USP34: variants seen among roughly 807,000 people sequenced by gnomAD.
USP34 encodes ubiquitin carboxyl-terminal hydrolase 34.
In USP34, 70 loss-of-function variants were observed where a neutral mutation model predicts 460.3. The ratio of observed to expected loss-of-function variants is 0.15; its 90% confidence interval spans 0.13 to 0.19. The LOEUF is 0.19. Ranked by LOEUF, USP34 falls within the 10% of genes least tolerant of loss-of-function variation. USP34 has a pLI of 1.00. For synonymous variants in USP34, 1,647 were observed against 1,405.3 expected (o/e 1.17, Z -3.85); for missense variants, 3,985 against 4,236.2 (o/e 0.94, Z 1.65).
At chr2:61,245,361 G>T in intron 50 of USP34, 73 bp from the exon 51 acceptor site, 2 of 858,000 alleles carry the variant, frequency 2.3e-6, no homozygotes, top group South Asian at 2.8e-5. Context: ...ACTATTTTTT[G>T]AATAACCAAT....
At chr2:61,397,018 T>G (rs186975987) in intron 3 of USP34, among the ~76,000 whole-genome samples, 5 of 152,200 alleles carry the variant, frequency 3.3e-5, no homozygotes, top group African/African-American at 1.2e-4. Flanking sequence ...GAAAGAAAAT[T>G]TATGATCATG....
At chr2:61,214,013 T>C (rs757596129) in intron 68 of USP34, 47 bp downstream of exon 68, 15 of 1,604,334 alleles carry the variant, frequency 9.3e-6, no homozygotes, top group Non-Finnish European at 1.3e-5. Flanking sequence ...AACAGGTATT[T>C]CCAATCTATT....
intron 2 of USP34, among the ~76,000 whole-genome samples, chr2:61,420,113 T>C (rs889579521): frequency 1.4e-4 from 21 of 152,340 alleles, no homozygotes; most frequent in African/African-American, 5.0e-4. Flanking sequence ...CATTGGCTAC[T>C]GCACACAATG....
chr2:61,231,071 A>C (rs7602859), intron 58 of USP34, among the ~76,000 whole-genome samples: 2 of 152,016 alleles, frequency 1.3e-5, no homozygotes, highest in African/African-American at 4.8e-5. Context: ...AAAAAAGAAA[A>C]TGTAATATGG....
rs1686618342 is a variant in USP34, at chr2:61,190,815, T to C, written c.9589-157A>G. ...AGCCATGTCTAACTCACCTATTGAATTTTTAGTTAACAGCAACTATTTTTC... is the reference window on the plus strand; with the variant it reads ...AGCCATGTCTAACTCACCTATTGAACTTTTAGTTAACAGCAACTATTTTTC... On this transcript the variant is annotated intron_variant, in intron 76 of 79. Transcript: ENST00000398571. The C allele has an allele frequency of 1.8e-5, 15 of 852,664 alleles. No individual in the cohort carries two copies. In the South Asian group the frequency reaches 3.3e-4, roughly 19 times the overall value. 52.8% of individuals were successfully genotyped at this position (852,664 alleles called of 1,614,324 possible).
chr2:61,305,032 T>A (rs1199172972), intron 27 of USP34, among the ~76,000 whole-genome samples: 2 of 152,052 alleles, frequency 1.3e-5, no homozygotes, highest in East Asian at 3.9e-4. Context: ...TTTTAAAAAT[T>A]TTACAGACGT....
intron 18 of USP34, among the ~76,000 whole-genome samples, chr2:61,338,742 A>G (rs1177652951): frequency 6.6e-6 from 1 of 152,200 alleles, no homozygotes; most frequent in African/African-American, 2.4e-5. Flanking sequence ...CCCAATGAGA[A>G]GTACATAAAT....
At position 61,288,995 on chromosome 2, in the gene USP34, T is replaced by C. The variant is rs975948772; in HGVS notation, c.4549-118A>G. The C allele has an allele frequency of 3.9e-6, 4 of 1,030,198 alleles. No individual in the cohort carries two copies. The African/African-American group carries it at 6.5e-5, about 17-fold the overall frequency. The allele number at this position is 1,030,198 out of a possible 1,614,324, so 63.8% of individuals were successfully genotyped here. A position where few individuals can be genotyped will look rare whatever the true frequency, so the allele number is the denominator to read the frequency against. On this transcript the variant is annotated intron_variant, in intron 33 of 79. Coordinates refer to ENST00000398571, the MANE Select transcript of USP34 (RefSeq NM_014709.4). ...TAATTATAGCTAGTACTTAATCATG[T>C]ACTATAAAAATTCTGCTGCTCAAAT...
At chr2:61,340,970 G>T (rs542122724) in intron 16 of USP34, among the ~76,000 whole-genome samples, 1 of 151,142 alleles carries the variant, frequency 6.6e-6, no homozygotes, top group Non-Finnish European at 1.5e-5. Flanking sequence ...ACCCTAGGAA[G>T]TTCCCTTGTG....
chr2:61,259,551 C>T (rs1232701470), intron 44 of USP34, among the ~76,000 whole-genome samples, 160 bp downstream of exon 44: 1 of 136,086 alleles, frequency 7.3e-6, no homozygotes, highest in Non-Finnish European at 1.6e-5. Context: ...CCATGCCTGG[C>T]TTATTTTTTT....
intron 27 of USP34, among the ~76,000 whole-genome samples, chr2:61,309,827 G>A (rs865819659): frequency 7.9e-5 from 12 of 152,110 alleles, no homozygotes; most frequent in South Asian, 4.2e-4. Flanking sequence ...TCTTAACTGC[G>A]CTGATACATA....
At chr2:61,313,591 C>T (rs1460849107) in intron 25 of USP34, among the ~76,000 whole-genome samples, 3 of 152,024 alleles carry the variant, frequency 2.0e-5, no homozygotes, top group Admixed American at 6.6e-5. Context: ...ATAAGTTACA[C>T]CACATTTGCT....
chr2:61,402,206 G>A (rs1047670604), intron 3 of USP34, among the ~76,000 whole-genome samples: 5 of 152,060 alleles, frequency 3.3e-5, no homozygotes, highest in Non-Finnish European at 7.3e-5. Context: ...TTTGAGCCCA[G>A]GAATTCAAGG....
chr2:61,333,837 G>GA (rs769738509), intron 19 of USP34, 45 bp downstream of exon 19: 22 of 1,328,580 alleles, frequency 1.7e-5, no homozygotes, highest in African/African-American at 7.6e-5. Flanking sequence ...ACTATAATTA[G>GA]AAAAAAATCT....
intron 27 of USP34, among the ~76,000 whole-genome samples, chr2:61,308,422 T>C (rs1191294955): frequency 1.3e-5 from 2 of 151,964 alleles, no homozygotes; most frequent in African/African-American, 4.8e-5. Context: ...TGAGAACATC[T>C]CTCAGGAACT....
intron 21 of USP34, among the ~76,000 whole-genome samples, chr2:61,322,115 A>G (rs1414898773): frequency 1.3e-5 from 2 of 152,120 alleles, no homozygotes; most frequent in Non-Finnish European, 2.9e-5. Flanking sequence ...CTATAATACC[A>G]GCTACTCGGG....
intron 61 of USP34, 142 bp from the exon 62 acceptor site, chr2:61,227,360 T>C (rs559756521): frequency 2.3e-6 from 2 of 867,358 alleles, no homozygotes; most frequent in South Asian, 3.4e-5. Context: ...CTAAACCTAA[T>C]GTAAAACACT....
At chr2:61,385,143 A>G (rs998779592) in intron 5 of USP34, among the ~76,000 whole-genome samples, 1 of 152,146 alleles carries the variant, frequency 6.6e-6, no homozygotes, top group Non-Finnish European at 1.5e-5. Flanking sequence ...TCCCTTAAGA[A>G]CAGTATCAAA....
chr2:61,395,160 G>C (rs186312153), intron 4 of USP34, 23 bp downstream of exon 4: 5 of 1,481,560 alleles, frequency 3.4e-6, no homozygotes, highest in Non-Finnish European at 4.6e-6. Context: ...TTCCATAAAA[G>C]AATAAAAAAG....
Sources: allele counts gnomAD v4.1 joint callset (sites outside exome capture counted in the v4.1 genomes callset), GRCh38; gene constraint gnomAD v4.1.1; transcripts MANE v1.5; gene names NCBI Gene and HGNC (gene_info 2026-07-23, HGNC 2026-07-21).